PTPRT: variants seen among roughly 807,000 people sequenced by gnomAD.
PTPRT encodes the protein protein tyrosine phosphatase receptor type T, also known as receptor-type tyrosine-protein phosphatase T.
In PTPRT, 56 loss-of-function variants were observed where a neutral mutation model predicts 176.8. That is an observed-to-expected ratio of 0.32 (90% CI 0.26 to 0.40). The LOEUF is 0.40. Ranked by LOEUF, PTPRT falls within the 10% of genes least tolerant of loss-of-function variation. The pLI is 1.00. For missense variants in PTPRT, 1,540 were observed against 1,908.2 expected (o/e 0.81, Z 3.60); for synonymous variants, 783 against 739.0 (o/e 1.06, Z -0.96).
intron 1 of PTPRT, among the ~76,000 whole-genome samples, chr20:42,919,078 C>T (rs1978978822): frequency 6.6e-6 from 1 of 152,232 alleles, no homozygotes; most frequent in African/African-American, 2.4e-5. Flanking sequence ...AAGCTCATTT[C>T]TCTGCTACAA....
intron 1 of PTPRT, among the ~76,000 whole-genome samples, chr20:43,143,526 G>T (rs887790244): frequency 3.9e-5 from 6 of 152,130 alleles, no homozygotes; most frequent in Non-Finnish European, 7.3e-5. Context: ...GGTAAGGCTG[G>T]GCACCACACA....
intron 1 of PTPRT, among the ~76,000 whole-genome samples, chr20:42,945,095 TA>T (rs1393018479): frequency 6.7e-6 from 1 of 148,650 alleles, no homozygotes; most frequent in Non-Finnish European, 1.5e-5. Context: ...GTAATATTTA[TA>T]TAAAATATGT....
Position 42,830,879 on chromosome 20 carries a change from C to T in PTPRT, c.215-39413G>A, listed in dbSNP as rs187996459. Among the ~76,000 whole-genome samples, 8 of 152,092 alleles carry T rather than the reference C, an allele frequency of 5.3e-5. No individual in the cohort carries two copies. In the South Asian group the frequency reaches 8.3e-4, roughly 16 times the overall value. Reference sequence around the variant, plus strand: ...ACAATGAGAATTATGAAACACTGCTCGAATAAATCAGAGATGAAACAAACA... The same window carrying T: ...ACAATGAGAATTATGAAACACTGCTTGAATAAATCAGAGATGAAACAAACA... On this transcript the variant is annotated intron_variant, in intron 2 of 30. Coordinates refer to ENST00000373187, the MANE Select transcript of PTPRT (RefSeq NM_007050.6).
At chr20:42,205,570 C>G (rs535758436) in intron 15 of PTPRT, among the ~76,000 whole-genome samples, 1 of 152,280 alleles carries the variant, frequency 6.6e-6, no homozygotes, top group South Asian at 2.1e-4. Context: ...ACCCTTGACT[C>G]TCTTCTGGGC....
At chr20:42,964,220 C>A (rs957908056) in intron 1 of PTPRT, among the ~76,000 whole-genome samples, 25 of 152,100 alleles carry the variant, frequency 1.6e-4, no homozygotes, top group African/African-American at 6.0e-4. Flanking sequence ...GTCTCACAGA[C>A]TGAGTCAAAA....
At chr20:42,562,966 C>T (rs1448836590) in intron 7 of PTPRT, among the ~76,000 whole-genome samples, 1 of 152,004 alleles carries the variant, frequency 6.6e-6, no homozygotes, top group East Asian at 1.9e-4. Context: ...AATAAAAGTG[C>T]TAGAAGAAAA....
intron 7 of PTPRT, among the ~76,000 whole-genome samples, chr20:42,504,515 A>T (rs1396181238): frequency 1.3e-5 from 2 of 152,170 alleles, no homozygotes. Flanking sequence ...AAAATAATTT[A>T]TCATTTTGCT....
At chr20:42,548,922 T>C (rs1450033870) in intron 7 of PTPRT, among the ~76,000 whole-genome samples, 2 of 152,166 alleles carry the variant, frequency 1.3e-5, no homozygotes, top group South Asian at 2.1e-4. Context: ...TCATTTACAC[T>C]GAATAGGTTG....
At chr20:42,087,803 G>A (rs1984140932) in intron 27 of PTPRT, among the ~76,000 whole-genome samples, 1 of 148,140 alleles carries the variant, frequency 6.8e-6, no homozygotes, top group Non-Finnish European at 1.5e-5. Flanking sequence ...AACCCAGGGG[G>A]CAGAGGTTGT....
rs769964562 is a variant in PTPRT, at chr20:42,098,477, C to T, written c.3790G>A (p.Val1264Met). The change falls in exon 27 of 31, where the codon GTG becomes ATG. Residue 1264 changes from valine (V) to methionine (M), a missense_variant. Coordinates refer to ENST00000373187, the MANE Select transcript of PTPRT (RefSeq NM_007050.6). ...PNTVADFWRL[V>M]FDYNCSSVVM... ...ACAGAGGAGCAGTTGTAATCGAACA[C>T]CAGCCTCCAGAAGTCTGCCACGGTG... The T allele has an allele frequency of 2.0e-5, 32 of 1,614,056 alleles. No individual in the cohort carries two copies. Among genetic ancestry groups the T allele is most frequent in the Non-Finnish European group, 2.1e-5 (25 of 1,180,026 alleles).
At chr20:42,208,481 A>G (rs1373003045) in intron 15 of PTPRT, among the ~76,000 whole-genome samples, 1 of 152,102 alleles carries the variant, frequency 6.6e-6, no homozygotes. Context: ...AAAAAAAGGC[A>G]GGGGTTGCAA....
At chr20:42,586,322 G>GTTTA (rs2073470786) in intron 7 of PTPRT, among the ~76,000 whole-genome samples, 3 of 152,186 alleles carry the variant, frequency 2.0e-5, no homozygotes, top group Admixed American at 6.5e-5. Context: ...ATACAAGGAT[G>GTTTA]TTTAGCTCCA....
chr20:42,753,200 C>G (rs1242474293), intron 6 of PTPRT, among the ~76,000 whole-genome samples: 1 of 152,108 alleles, frequency 6.6e-6, no homozygotes, highest in Non-Finnish European at 1.5e-5. Flanking sequence ...TGTGACCAAA[C>G]AGCATGAGCC....
the PTPRT span, among the ~76,000 whole-genome samples, chr20:42,032,508 T>C: frequency 6.6e-6 from 1 of 152,200 alleles, no homozygotes; most frequent in Admixed American, 6.5e-5. Flanking sequence ...GAAAGGCCAC[T>C]CATTTCTTAT....
Position 42,345,624 on chromosome 20 carries a change from A to G in PTPRT, c.1865+5004T>C, listed in dbSNP as rs1266143633. 1.8e-3 allele frequency among the ~76,000 whole-genome samples: 253 copies of G among 144,472 alleles called. 4 individuals are homozygous for G. The East Asian group carries it at 0.025, about 14-fold the overall frequency. The allele number at this position is 144,472 out of a possible 152,430, so 94.8% of individuals were successfully genotyped here. ...TGTGTGTGTGTGTGTGTGTGTATAT[A>G]TATGTATGATGCCAGACACTATCCC... On this transcript the variant is annotated intron_variant, in intron 11 of 30. Coordinates refer to ENST00000373187, the MANE Select transcript of PTPRT (RefSeq NM_007050.6).
chr20:42,761,041 C>T (rs2076907826), intron 5 of PTPRT, among the ~76,000 whole-genome samples: 1 of 152,164 alleles, frequency 6.6e-6, no homozygotes, highest in Non-Finnish European at 1.5e-5. Flanking sequence ...ACAGGTCTGG[C>T]ATGGAGACAG....
intron 1 of PTPRT, among the ~76,000 whole-genome samples, chr20:42,958,996 T>C (rs1981834683): frequency 6.6e-6 from 1 of 152,226 alleles, no homozygotes; most frequent in Non-Finnish European, 1.5e-5. Flanking sequence ...ATTAAATGTT[T>C]CAGTTCACCC....
chr20:42,494,528 G>A (rs1462183600), intron 7 of PTPRT, among the ~76,000 whole-genome samples: 1 of 152,078 alleles, frequency 6.6e-6, no homozygotes, highest in Non-Finnish European at 1.5e-5. Flanking sequence ...TCATCAAAGA[G>A]GCATTCCATG....
intron 1 of PTPRT, among the ~76,000 whole-genome samples, chr20:43,106,666 G>GAAAAAAAAA (rs71193676): frequency 3.4e-5 from 3 of 87,000 alleles, no homozygotes; most frequent in Non-Finnish European, 6.0e-5. Context: ...CTCAAAAAAA[G>GAAAAAAAAA]AAAAAAAAAA....
Sources: allele counts gnomAD v4.1 joint callset (sites outside exome capture counted in the v4.1 genomes callset), GRCh38; gene constraint gnomAD v4.1.1; transcripts MANE v1.5; gene names NCBI Gene and HGNC (gene_info 2026-07-23, HGNC 2026-07-21).